THSD4: variants seen among roughly 807,000 people sequenced by gnomAD.
The protein encoded by THSD4 is thrombospondin type 1 domain containing 4.
Under a neutral mutation model 119.0 loss-of-function variants are expected in THSD4, and 69 were observed. The ratio of observed to expected loss-of-function variants is 0.58; its 90% CI spans 0.48 to 0.71. The LOEUF (loss-of-function observed/expected upper bound fraction) is 0.71. Ranked by LOEUF, THSD4 falls within the 30% of genes least tolerant of loss-of-function variation. THSD4 has a pLI of 0.00. For synonymous variants in THSD4, 524 were observed against 540.4 expected (o/e 0.97, Z 0.42); for missense variants, 1,393 against 1,391.1 (o/e 1.00, Z -0.02).
intron 7 of THSD4, among the ~76,000 whole-genome samples, chr15:71,646,248 A>G (rs2050966182): frequency 6.6e-6 from 1 of 152,196 alleles, no homozygotes; most frequent in South Asian, 2.1e-4. Flanking sequence ...CTTGGTGCTC[A>G]GGAGCACCTC....
chr15:71,435,924 AG>A (rs1196848953), intron 7 of THSD4, among the ~76,000 whole-genome samples: 2 of 152,218 alleles, frequency 1.3e-5, no homozygotes, highest in African/African-American at 4.8e-5. Context: ...ACATTTGGGG[AG>A]AAAAAGAGAG....
intron 7 of THSD4, among the ~76,000 whole-genome samples, chr15:71,498,550 A>T (rs146902660): frequency 5.0e-4 from 76 of 152,106 alleles, no homozygotes; most frequent in African/African-American, 1.7e-3. Context: ...GTCTGGAATC[A>T]TACCTTCCTC....
intron 6 of THSD4, among the ~76,000 whole-genome samples, chr15:71,345,808 T>A (rs35702033): frequency 0.14 from 20,998 of 151,144 alleles, 1,512 homozygotes; most frequent in South Asian, 0.2. Context: ...GTTTTTTTTT[T>A]AATTATTTTA....
At chr15:71,153,214 C>A (rs1258673914) in intron 2 of THSD4, among the ~76,000 whole-genome samples, 1 of 152,136 alleles carries the variant, frequency 6.6e-6, no homozygotes, top group East Asian at 1.9e-4. Flanking sequence ...ACTTTTCCTT[C>A]CCCATAGGGG....
At chr15:71,579,262 G>A (rs1001384755) in intron 7 of THSD4, among the ~76,000 whole-genome samples, 2 of 152,196 alleles carry the variant, frequency 1.3e-5, no homozygotes, top group Non-Finnish European at 2.9e-5. Context: ...CTCCATAACA[G>A]CTGGCTCTTC....
chr15:71,154,848 A>G lies in THSD4; in HGVS notation c.30-15A>G, dbSNP rs767782248. ...CATACTCACCATCCTGCCTGTTGCT[A>G]TTTTCCCTTTTCAGTGTCCTGTGTT... On this transcript the variant is annotated splice_polypyrimidine_tract_variant and intron_variant, in intron 2 of 17. Transcript: ENST00000261862. 6.2e-7 allele frequency: 1 copy of G among 1,613,812 alleles called. No homozygotes were observed. Among genetic ancestry groups the G allele is most frequent in the Non-Finnish European group, 8.5e-7 (1 of 1,179,900 alleles).
chr15:71,686,615 TA>T (rs1322405914), intron 8 of THSD4, among the ~76,000 whole-genome samples: 1 of 152,112 alleles, frequency 6.6e-6, no homozygotes, highest in Non-Finnish European at 1.5e-5. Context: ...GCTTGGGTTA[TA>T]AGGACAAAGG....
chr15:71,442,831 C>T lies in THSD4; in HGVS notation c.1152+31008C>T, dbSNP rs13379780. ...GGAAATCTTTTTCTTCCCTTATGTACCCACATAGGTCACCTTTGGTAGAGC... is the reference window on the plus strand; with the variant it reads ...GGAAATCTTTTTCTTCCCTTATGTATCCACATAGGTCACCTTTGGTAGAGC... On this transcript the variant is annotated intron_variant, in intron 7 of 17. Coordinates refer to ENST00000261862, the MANE Select transcript of THSD4 (RefSeq NM_024817.3). Among the ~76,000 whole-genome samples the T allele has an allele frequency of 1.5e-3, 220 of 150,494 alleles. 3 individuals carry two copies. The highest frequency in any genetic ancestry group is 5.2e-3 in the African/African-American group (211 of 40,938).
intron 7 of THSD4, among the ~76,000 whole-genome samples, chr15:71,623,045 G>C (rs1384830294): frequency 6.6e-6 from 1 of 152,026 alleles, no homozygotes; most frequent in Non-Finnish European, 1.5e-5. Flanking sequence ...TGGAGGTCTC[G>C]GTAATCAGGA....
chr15:71,413,643 A>G (rs2046719404), intron 7 of THSD4, among the ~76,000 whole-genome samples: 1 of 152,208 alleles, frequency 6.6e-6, no homozygotes, highest in African/African-American at 2.4e-5. Flanking sequence ...TTGTTCTCAC[A>G]TTTTGAATGC....
chr15:71,459,356 C>CTCTCTCTCTCTCTCTG (rs1555416101), intron 7 of THSD4, among the ~76,000 whole-genome samples: 136 of 140,468 alleles, frequency 9.7e-4, no homozygotes, highest in African/African-American at 3.2e-3. Context: ...GTCTCTCTCT[C>CTCTCTCTCTCTCTCTG]TCTCTCTGTC....
At chr15:71,260,474 A>G (rs2044379422) in intron 6 of THSD4, among the ~76,000 whole-genome samples, 2 of 152,166 alleles carry the variant, frequency 1.3e-5, no homozygotes, top group South Asian at 4.1e-4. Flanking sequence ...AATTCACATT[A>G]CAGAGCATTA....
At chr15:71,466,300 G>C (rs980492152) in intron 7 of THSD4, among the ~76,000 whole-genome samples, 45 of 150,638 alleles carry the variant, frequency 3.0e-4, no homozygotes, top group African/African-American at 1.1e-3. Context: ...AGCTGAGATT[G>C]CACCACTGCA....
chr15:71,289,783 T>A (rs2044766748), intron 6 of THSD4, among the ~76,000 whole-genome samples: 1 of 152,152 alleles, frequency 6.6e-6, no homozygotes, highest in South Asian at 2.1e-4. Flanking sequence ...ATTCCTTTCC[T>A]TTATGACTTG....
At chr15:71,271,094 C>T (rs775577136) in intron 6 of THSD4, among the ~76,000 whole-genome samples, 3 of 152,052 alleles carry the variant, frequency 2.0e-5, no homozygotes, top group Non-Finnish European at 4.4e-5. Flanking sequence ...TAAAAAGCTT[C>T]TTCATCATTT....
chr15:71,685,084 T>C (rs1308207838), intron 8 of THSD4, among the ~76,000 whole-genome samples: 2 of 152,136 alleles, frequency 1.3e-5, no homozygotes, highest in Middle Eastern at 3.2e-3. Flanking sequence ...TGCTTTTTTA[T>C]TAAATTTGCT....
At chr15:71,694,223 G>A (rs1446274394) in intron 8 of THSD4, among the ~76,000 whole-genome samples, 1 of 152,164 alleles carries the variant, frequency 6.6e-6, no homozygotes, top group Non-Finnish European at 1.5e-5. Context: ...TATCCTTCTT[G>A]TAATGTCATG....
intron 7 of THSD4, among the ~76,000 whole-genome samples, chr15:71,580,954 T>G (rs1037950453): frequency 4.6e-5 from 7 of 152,152 alleles, no homozygotes; most frequent in Non-Finnish European, 1.0e-4. Context: ...CTTTATCCAT[T>G]CATCCATCAA....
chr15:71,551,910 G>A (rs1021087238), intron 7 of THSD4, among the ~76,000 whole-genome samples: 3 of 152,198 alleles, frequency 2.0e-5, no homozygotes, highest in African/African-American at 7.2e-5. Flanking sequence ...ACCAGTTCTG[G>A]GAATGATGGG....
Sources: allele counts gnomAD v4.1 joint callset (sites outside exome capture counted in the v4.1 genomes callset), GRCh38; gene constraint gnomAD v4.1.1; transcripts MANE v1.5; gene names NCBI Gene and HGNC (gene_info 2026-07-23, HGNC 2026-07-21).